The following CALN1 variants were observed in gnomAD, a reference collection of about 807,000 sequenced individuals.
CALN1 encodes calneuron 1.
CALN1 carries 17 observed loss-of-function variants against 30.6 expected under a neutral mutation model. The ratio of observed to expected loss-of-function variants is 0.56; its 90% CI spans 0.38 to 0.83. The LOEUF is 0.83. Ranked by LOEUF, CALN1 falls within the 40% of genes least tolerant of loss-of-function variation. The pLI, the probability that CALN1 is intolerant of heterozygous loss-of-function variation, is 0.00. For missense variants in CALN1, 291 were observed against 354.9 expected (o/e 0.82, Z 1.45); for synonymous variants, 156 against 131.4 (o/e 1.19, Z -1.28).
chr7:72,236,788 C>A (rs1415374302), intron 3 of CALN1, among the ~76,000 whole-genome samples: 1 of 152,098 alleles, frequency 6.6e-6, no homozygotes, highest in East Asian at 1.9e-4. Flanking sequence ...TTGTGACTAT[C>A]TGTCACATGG....
At chr7:71,951,741 C>G (rs1796702616) in intron 5 of CALN1, among the ~76,000 whole-genome samples, 1 of 152,200 alleles carries the variant, frequency 6.6e-6, no homozygotes, top group Admixed American at 6.5e-5. Context: ...GTCACATACC[C>G]TACTAAGACA....
chr7:72,223,097 G>A (rs1208067390), intron 3 of CALN1, among the ~76,000 whole-genome samples: 3 of 152,132 alleles, frequency 2.0e-5, no homozygotes, highest in African/African-American at 7.2e-5. Flanking sequence ...AAAGCAGTTG[G>A]CACTGGGACA....
intron 5 of CALN1, among the ~76,000 whole-genome samples, chr7:71,812,929 C>CATCATCATTATTATTATTATTATT (rs1287091997): frequency 8.8e-5 from 12 of 136,506 alleles, no homozygotes; most frequent in Non-Finnish European, 1.1e-4. Flanking sequence ...TCATCATCAT[C>CATCATCATTATTATTATTATTATT]ATTATTATTA....
At chr7:72,373,528 T>C (rs1804372261) in intron 2 of CALN1, among the ~76,000 whole-genome samples, 2 of 152,168 alleles carry the variant, frequency 1.3e-5, no homozygotes, top group Admixed American at 6.5e-5. Flanking sequence ...ATAAACTACA[T>C]GAGATATTCA....
chr7:72,426,092 A>G (rs929296974), intron 1 of CALN1, among the ~76,000 whole-genome samples: 2 of 152,176 alleles, frequency 1.3e-5, no homozygotes, highest in Non-Finnish European at 2.9e-5. Context: ...GATTTCTGCC[A>G]TTGTCTTCCG....
the CALN1 span, among the ~76,000 whole-genome samples, chr7:72,461,813 G>C: frequency 6.6e-6 from 1 of 152,132 alleles, no homozygotes. Flanking sequence ...TTTGAGACCA[G>C]CCTGGCCAAC....
chr7:72,472,284 G>A, the CALN1 span, among the ~76,000 whole-genome samples: 3 of 152,170 alleles, frequency 2.0e-5, no homozygotes, highest in African/African-American at 7.2e-5. Flanking sequence ...CATCCTTGTT[G>A]AGCAAGTGGA....
At chr7:72,221,312 CT>C (rs1174615183) in intron 3 of CALN1, among the ~76,000 whole-genome samples, 25,633 of 89,298 alleles carry the variant, frequency 0.29, 2,155 homozygotes, top group Middle Eastern at 0.36. Context: ...GTCTTGGCTT[CT>C]TTTTTTTTTT....
In CALN1 at chr7:71,908,531, T is replaced by C. The variant is rs1794258994; in HGVS notation, c.502-98039A>G. ...TGGGAATAGAAGATAAAAATTCCTT[T>C]CTTTAATTTCCAAAGTTCACTGATT... On this transcript the variant is annotated intron_variant, in intron 5 of 6. Coordinates refer to ENST00000395275, the MANE Select transcript of CALN1 (RefSeq NM_031468.4). Among the ~76,000 whole-genome samples the C allele has an allele frequency of 2.0e-5, 3 of 152,146 alleles. No individual in the cohort carries two copies. In the South Asian group the frequency reaches 6.2e-4, roughly 31 times the overall value.
chr7:71,907,977 A>C (rs1202486982), intron 5 of CALN1, among the ~76,000 whole-genome samples: 2 of 152,260 alleles, frequency 1.3e-5, no homozygotes, highest in African/African-American at 2.4e-5. Context: ...GGCAACGTTG[A>C]AACAACTGCT....
chr7:72,284,281 G>A (rs1470647134), intron 2 of CALN1, among the ~76,000 whole-genome samples: 1 of 152,050 alleles, frequency 6.6e-6, no homozygotes, highest in Non-Finnish European at 1.5e-5. Flanking sequence ...GGCAACAGAG[G>A]GAGACCTTGT....
intron 3 of CALN1, among the ~76,000 whole-genome samples, chr7:72,214,217 C>T (rs988439241): frequency 5.3e-5 from 8 of 152,222 alleles, no homozygotes; most frequent in African/African-American, 1.4e-4. Context: ...CAGTGGCTCA[C>T]GCCTGTAATC....
At chr7:72,230,445 C>T (rs1480954971) in intron 3 of CALN1, among the ~76,000 whole-genome samples, 2 of 149,232 alleles carry the variant, frequency 1.3e-5, no homozygotes, top group Admixed American at 6.7e-5. Context: ...TAGGTCAAGG[C>T]TGCAGTGAGT....
chr7:72,196,210 T>C (rs1413835438), intron 3 of CALN1, among the ~76,000 whole-genome samples: 1 of 152,062 alleles, frequency 6.6e-6, no homozygotes, highest in East Asian at 1.9e-4. Context: ...CTCTGCCTCG[T>C]GGACTCAAGC....
chr7:71,969,912 C>T (rs1797713567), intron 5 of CALN1, among the ~76,000 whole-genome samples: 1 of 151,644 alleles, frequency 6.6e-6, no homozygotes, highest in African/African-American at 2.4e-5. Context: ...GCAACCTCTG[C>T]CTCCTGGGCT....
chr7:72,142,552 G>A (rs932272197), intron 3 of CALN1, among the ~76,000 whole-genome samples: 21 of 152,226 alleles, frequency 1.4e-4, no homozygotes, highest in African/African-American at 5.1e-4. Context: ...TCTGGGGGCA[G>A]GGCATAGCCG....
chr7:71,922,836 AAT>A (rs1379680700), intron 5 of CALN1, among the ~76,000 whole-genome samples: 1 of 136,358 alleles, frequency 7.3e-6, no homozygotes, highest in Admixed American at 7.6e-5. Flanking sequence ...AATATATATA[AAT>A]ATATAATATA....
intron 4 of CALN1, among the ~76,000 whole-genome samples, chr7:72,032,164 T>C (rs1199354515): frequency 6.7e-6 from 1 of 148,290 alleles, no homozygotes; most frequent in Non-Finnish European, 1.5e-5. Context: ...GTTCACGCCA[T>C]TCTCCTGCCT....
At chr7:72,144,228 C>T (rs1296974897) in intron 3 of CALN1, among the ~76,000 whole-genome samples, 1 of 152,082 alleles carries the variant, frequency 6.6e-6, no homozygotes, top group African/African-American at 2.4e-5. Context: ...ATTCAGGAAA[C>T]CCATCTCATG....
Sources: allele counts gnomAD v4.1 joint callset (sites outside exome capture counted in the v4.1 genomes callset), GRCh38; gene constraint gnomAD v4.1.1; transcripts MANE v1.5; gene names NCBI Gene and HGNC (gene_info 2026-07-23, HGNC 2026-07-21).